FBXO28: variants seen among roughly 807,000 people sequenced by gnomAD.
FBXO28 encodes the protein F-box protein 28, also known as F-box only protein 28.
Under a neutral mutation model 38.1 loss-of-function variants are expected in FBXO28, and 8 were observed. The observed-to-expected ratio is 0.21, with a 90% confidence interval of 0.12 to 0.38. The LOEUF (loss-of-function observed/expected upper bound fraction) is 0.38, where lower values mean the gene tolerates loss of function less well. Ranked by LOEUF, FBXO28 falls within the 10% of genes least tolerant of loss-of-function variation. FBXO28 has a pLI of 1.00. For synonymous variants in FBXO28, 168 were observed against 173.8 expected, an observed-to-expected ratio of 0.97 and a Z score of 0.26; for missense variants, 345 against 460.6, an observed-to-expected ratio of 0.75 and a Z score of 2.30.
rs1463919263 is a variant in FBXO28, at chr1:224,158,239, C to T, written c.*493C>T. 5 of 985,892 alleles carry T rather than the reference C, an allele frequency of 5.1e-6. No homozygotes were observed. The highest frequency in any genetic ancestry group is 6.0e-6 in the Non-Finnish European group (5 of 830,220). 61.1% of individuals were successfully genotyped at this position (985,892 alleles called of 1,614,324 possible). ...TGGAATGTCTGAAAAGTAGTTAATG[C>T]TTTTTGGTATTGAAGTAATGGGTAA... is the stretch of plus-strand genomic sequence containing the variant. On this transcript the variant is annotated 3_prime_UTR_variant, in exon 5 of 5. Transcript: ENST00000366862.
At chr1:224,142,037 A>G (rs543184564) in intron 3 of FBXO28, among the ~76,000 whole-genome samples, 113 of 115,732 alleles carry the variant, frequency 9.8e-4, no homozygotes, top group South Asian at 8.5e-3. Flanking sequence ...CTCTACAGGC[A>G]CATTAAATTT....
intron 3 of FBXO28, among the ~76,000 whole-genome samples, chr1:224,144,627 G>A (rs1657453735): frequency 6.6e-6 from 1 of 151,684 alleles, no homozygotes; most frequent in African/African-American, 2.4e-5. Flanking sequence ...GCGTGGGTGT[G>A]TGTGCCTGTA....
chr1:224,117,745 C>T (rs1279478784), intron 1 of FBXO28, among the ~76,000 whole-genome samples: 3 of 152,054 alleles, frequency 2.0e-5, no homozygotes, highest in African/African-American at 4.8e-5. Context: ...CGGTGGCTCA[C>T]GCCTGTAATC....
intron 1 of FBXO28, among the ~76,000 whole-genome samples, chr1:224,119,112 CT>C (rs1656711612): frequency 6.8e-6 from 1 of 147,756 alleles, no homozygotes; most frequent in African/African-American, 2.5e-5. Flanking sequence ...AGAATACACT[CT>C]TGCTGATTTT....
In FBXO28 at chr1:224,157,780, CA is replaced by C. The variant is rs1172793224; in HGVS notation, c.*35del. On this transcript the variant is annotated 3_prime_UTR_variant, in exon 5 of 5. Coordinates refer to ENST00000366862, the MANE Select transcript of FBXO28 (RefSeq NM_015176.4). ...GTGGTTCTAGTTCCAGAGGAAGACA[CA>C]GCTTAGTAGCTTAAGCAGTTATGCA... is the stretch of plus-strand genomic sequence containing the variant. 3 of 1,563,932 alleles carry C rather than the reference CA, an allele frequency of 1.9e-6. No homozygotes were observed. The East Asian group carries it at 6.7e-5, about 35-fold the overall frequency.
chr1:224,119,670 A>G (rs946911319), intron 1 of FBXO28, among the ~76,000 whole-genome samples: 4 of 152,166 alleles, frequency 2.6e-5, no homozygotes, highest in African/African-American at 9.7e-5. Flanking sequence ...AAATGCAAAG[A>G]TGGTAAATAT....
rs1286300691 is a variant in FBXO28, at chr1:224,125,859, C to T, written c.268-4613C>T. On this transcript the variant is annotated intron_variant, in intron 1 of 4. Coordinates refer to ENST00000366862, the MANE Select transcript of FBXO28 (RefSeq NM_015176.4). Reference sequence around the variant, plus strand: ...GGCCAGGCTGGTCTCAAACTCCTGACCTCAAGTGATCTGCCCACCTCAGCC... The same window carrying T: ...GGCCAGGCTGGTCTCAAACTCCTGATCTCAAGTGATCTGCCCACCTCAGCC... 3.9e-5 allele frequency among the ~76,000 whole-genome samples: 6 copies of T among 152,226 alleles called. No individual in the cohort carries two copies. The East Asian group carries it at 1.2e-3, about 29-fold the overall frequency.
Position 224,159,380 on chromosome 1 carries a change from T to C in FBXO28, c.*1634T>C, listed in dbSNP as rs913845004. ...AAGCTTTTTCTATCCATTTTTAATA[T>C]TGTCCTTACATAATATTGTCCTTAG... On this transcript the variant is annotated 3_prime_UTR_variant, in exon 5 of 5. Coordinates refer to ENST00000366862, the MANE Select transcript of FBXO28 (RefSeq NM_015176.4). 9.2e-5 allele frequency: 14 copies of C among 152,650 alleles called. No individual in the cohort carries two copies. The highest frequency in any genetic ancestry group is 3.4e-4 in the African/African-American group (14 of 41,460). The allele number at this position is 152,650 out of a possible 1,614,324, so 9.5% of individuals were successfully genotyped here. A position where few individuals can be genotyped will look rare whatever the true frequency, so the allele number is the denominator to read the frequency against.
At chr1:224,145,188 G>A (rs908386838) in intron 3 of FBXO28, among the ~76,000 whole-genome samples, 4 of 149,408 alleles carry the variant, frequency 2.7e-5, no homozygotes, top group African/African-American at 4.9e-5. Flanking sequence ...CCAGCTACTC[G>A]GAGGCTGAGG....
chr1:224,134,249 C>T, intron 3 of FBXO28, 37 bp downstream of exon 3: 1 of 1,598,708 alleles, frequency 6.3e-7, no homozygotes, highest in Non-Finnish European at 8.5e-7. Context: ...AGCTGGACTG[C>T]CCTACATAAA....
intron 3 of FBXO28, among the ~76,000 whole-genome samples, chr1:224,147,420 CAAAA>C (rs11405030): frequency 3.6e-5 from 5 of 139,154 alleles, no homozygotes; most frequent in Non-Finnish European, 6.2e-5. Flanking sequence ...GAGACTGTGT[CAAAA>C]AAAAAAAAAA....
chr1:224,134,852 G>A (rs1479055495), intron 3 of FBXO28, among the ~76,000 whole-genome samples: 1 of 152,166 alleles, frequency 6.6e-6, no homozygotes, highest in Non-Finnish European at 1.5e-5. Context: ...TATGGAAGTG[G>A]TAGAGATATA....
chr1:224,134,100 C>T lies in FBXO28; in HGVS notation c.404C>T (p.Ser135Leu), dbSNP rs1445130203. ...PRRESERRNH[S>L]LARHADILAA... is the part of the protein sequence containing the mutation. ...AGAGAGTCAGAAAGGAGAAACCATT[C>T]ATTAGCTCGTCATGCAGACATTCTT... is the stretch of plus-strand genomic sequence containing the variant. Residue 135 changes from serine (S) to leucine (L), a missense_variant, in exon 3 of 5, where the codon TCA (serine) becomes TTA (leucine). Ser to Leu is a moderately radical substitution (Grantham distance 145, BLOSUM62 -2). This residue lies in a region of FBXO28 where 56 missense variants were observed against 99.8 expected (regional missense o/e 0.56). Transcript: ENST00000366862. 6.3e-7 allele frequency: 1 copy of T among 1,591,380 alleles called. No homozygotes were observed. The highest frequency in any genetic ancestry group is 8.5e-7 in the Non-Finnish European group (1 of 1,169,732).
intron 3 of FBXO28, among the ~76,000 whole-genome samples, chr1:224,139,764 G>GCATGCATACATACATACATACATACATA (rs1386239166): frequency 1.4e-5 from 2 of 145,936 alleles, no homozygotes; most frequent in African/African-American, 5.2e-5. Flanking sequence ...ATGCATGCAT[G>GCATGCATACATACATACATACATACATA]CATACATACA....
rs935447656 is a variant in FBXO28 at position 224,114,173 on chromosome 1, G to C, written c.44G>C (p.Gly15Ala). 22 of 1,546,828 alleles carry C rather than the reference G, an allele frequency of 1.4e-5. No individual in the cohort carries two copies. The East Asian group carries it at 2.2e-4, about 16-fold the overall frequency. ...AEERMAEEGGGGQGDGGSSLA... is the reference protein window; with the variant it reads ...AEERMAEEGGAGQGDGGSSLA... ...GAGCGGATGGCAGAGGAAGGAGGCG[G>C]CGGCCAAGGCGACGGCGGTTCCTCT... The change falls in exon 1 of 5, where the codon GGC (glycine) becomes GCC (alanine). Residue 15 changes from glycine to alanine, a missense_variant. Around this residue, in one of 6 missense-constraint regions of FBXO28, gnomAD observed 104 missense variants for 82.0 expected, o/e 1.27. Coordinates refer to ENST00000366862, the MANE Select transcript of FBXO28 (RefSeq NM_015176.4).
chr1:224,120,837 TG>T (rs200488959), intron 1 of FBXO28, among the ~76,000 whole-genome samples: 6,019 of 142,328 alleles, frequency 0.042, 365 homozygotes, highest in African/African-American at 0.14. Flanking sequence ...CACGCCAGCC[TG>T]GGCAACAAGA....
intron 2 of FBXO28, among the ~76,000 whole-genome samples, chr1:224,133,588 G>T (rs1386006882): frequency 6.6e-6 from 1 of 152,012 alleles, no homozygotes; most frequent in African/African-American, 2.4e-5. Flanking sequence ...TGCAGTCTTG[G>T]TTCACTGCAA....
chr1:224,136,289 G>A (rs906992488), intron 3 of FBXO28, among the ~76,000 whole-genome samples: 1 of 151,440 alleles, frequency 6.6e-6, no homozygotes, highest in African/African-American at 2.4e-5. Context: ...CAAAATATAA[G>A]GATGCGGCAT....
At chr1:224,143,797 C>G (rs1192384017) in intron 3 of FBXO28, among the ~76,000 whole-genome samples, 3 of 147,584 alleles carry the variant, frequency 2.0e-5, no homozygotes, top group African/African-American at 7.6e-5. Context: ...GATCACGCCA[C>G]TGCACTCCAG....
Sources: allele counts gnomAD v4.1 joint callset (sites outside exome capture counted in the v4.1 genomes callset), GRCh38; gene constraint gnomAD v4.1.1; regional missense constraint gnomAD v4.1.1; transcripts MANE v1.5; gene names NCBI Gene and HGNC (gene_info 2026-07-23, HGNC 2026-07-21).